Variants in PNPLA8 observed in about 807,000 individuals in gnomAD.
PNPLA8 encodes calcium-independent phospholipase A2-gamma.
In PNPLA8, 39 loss-of-function variants were observed where a neutral mutation model predicts 76.9. The observed-to-expected ratio is 0.51, with a 90% CI of 0.39 to 0.66. PNPLA8 has a LOEUF of 0.66. Among genes scored for constraint, PNPLA8 ranks in the 30% least tolerant of loss-of-function variants. The probability of loss-of-function intolerance (pLI) is 0.00; values close to 1 mark genes in which losing one functional copy is unlikely to be tolerated. For synonymous variants in PNPLA8, 301 were observed against 307.9 expected, an observed-to-expected ratio of 0.98 and a Z score of 0.24; for missense variants, 887 against 918.0, an observed-to-expected ratio of 0.97 and a Z score of 0.44.
intron 5 of PNPLA8, among the ~76,000 whole-genome samples, chr7:108,501,116 T>C (rs565136068): frequency 1.6e-4 from 24 of 152,134 alleles, no homozygotes; most frequent in Non-Finnish European, 3.1e-4. Flanking sequence ...GGTTGGCAAG[T>C]TGGTTATACC....
intron 2 of PNPLA8, among the ~76,000 whole-genome samples, chr7:108,517,449 C>A (rs528414789): frequency 6.6e-6 from 1 of 152,132 alleles, no homozygotes; most frequent in Admixed American, 6.5e-5. Flanking sequence ...AAAATCTGCA[C>A]GAGGATGTTT....
At chr7:108,477,343 T>C (rs758440665) in intron 10 of PNPLA8, among the ~76,000 whole-genome samples, 8 of 152,190 alleles carry the variant, frequency 5.3e-5, no homozygotes, top group Non-Finnish European at 1.0e-4. Context: ...TTTCAGATAG[T>C]GAAAAATCTA....
chr7:108,473,393 C>T (rs574210562), intron 10 of PNPLA8, among the ~76,000 whole-genome samples: 11 of 152,246 alleles, frequency 7.2e-5, no homozygotes, highest in Admixed American at 5.2e-4. Flanking sequence ...CATAAGTCTT[C>T]ATGTGCATAT....
intron 2 of PNPLA8, among the ~76,000 whole-genome samples, chr7:108,516,638 C>T (rs1411053363): frequency 1.3e-5 from 2 of 152,184 alleles, no homozygotes; most frequent in Non-Finnish European, 2.9e-5. Context: ...CGTGGTGGCT[C>T]ACGCCTGTAA....
In PNPLA8 at chr7:108,515,102, C is replaced by A; in HGVS notation, c.390G>T (p.Lys130Asn). The change falls in exon 3 of 11, where the codon AAG becomes AAT. Residue 130 changes from lysine to asparagine, a missense_variant. By Grantham distance (94) the Lys-to-Asn change is moderately conservative (BLOSUM62 0). Coordinates refer to ENST00000257694, the MANE Select transcript of PNPLA8 (RefSeq NM_001256007.3). The stretch of plus-strand genomic sequence containing the variant: ...CTTTTCTTAAAATTTGGGAACTTGG[C>A]TTAAATTGAGCTAAACGTGAAATCA... ...NEMISRLAQFKPSSQILRKVS... is the reference protein window; with the variant it reads ...NEMISRLAQFNPSSQILRKVS... The A allele has an allele frequency of 1.2e-6, 2 of 1,606,754 alleles. No individual in the cohort carries two copies. The highest frequency in any genetic ancestry group is 1.7e-6 in the Non-Finnish European group (2 of 1,178,082).
rs114385012 is a variant in PNPLA8, at chr7:108,492,297, A to G, written c.1626-830T>C. Reference sequence around the variant, plus strand: ...CCTTTATAAGCTTTAATAAATATCAATGTAAAATACTTTCCAAAATGGACA... The same window carrying G: ...CCTTTATAAGCTTTAATAAATATCAGTGTAAAATACTTTCCAAAATGGACA... On this transcript the variant is annotated intron_variant, in intron 7 of 10. Coordinates refer to ENST00000257694, the MANE Select transcript of PNPLA8 (RefSeq NM_001256007.3). 1.2e-3 allele frequency among the ~76,000 whole-genome samples: 182 copies of G among 152,326 alleles called. 1 individual carries two copies. The highest frequency in any genetic ancestry group is 4.2e-3 in the African/African-American group (176 of 41,576).
chr7:108,503,853 G>A (rs1018395687), intron 4 of PNPLA8, among the ~76,000 whole-genome samples: 2 of 152,142 alleles, frequency 1.3e-5, no homozygotes, highest in African/African-American at 2.4e-5. Flanking sequence ...GCATCTAAGG[G>A]GTTTGGAGTG....
intron 10 of PNPLA8, among the ~76,000 whole-genome samples, chr7:108,473,060 G>A (rs1015778810): frequency 1.3e-5 from 2 of 152,132 alleles, no homozygotes; most frequent in African/African-American, 4.8e-5. Context: ...TTTGACAAAT[G>A]TATACACTTG....
At chr7:108,501,565 G>A (rs1024024176) in intron 5 of PNPLA8, among the ~76,000 whole-genome samples, 2 of 152,316 alleles carry the variant, frequency 1.3e-5, no homozygotes, top group Admixed American at 1.3e-4. Context: ...GCTCACGCCT[G>A]TAATCACAGC....
In PNPLA8 at chr7:108,515,423, C is replaced by A. The variant is rs1863265978; in HGVS notation, c.69G>T (p.Lys23Asn). ...AGAAATACAGTTGCTTGCTTCTCTG[C>A]TTCCCACAAACACTTCTTGCATTAC... Reference protein sequence around the residue: ...LLSNARSVCGKQRSKQLYFLF... With the variant: ...LLSNARSVCGNQRSKQLYFLF... Residue 23 changes from lysine (K) to asparagine (N), a missense_variant, in exon 3 of 11, where the codon AAG becomes AAT. Lys to Asn is a moderately conservative substitution (Grantham distance 94). Coordinates refer to ENST00000257694, the MANE Select transcript of PNPLA8 (RefSeq NM_001256007.3). 1.2e-6 allele frequency: 2 copies of A among 1,609,010 alleles called. No homozygotes were observed. Among genetic ancestry groups the A allele is most frequent in the East Asian group, 2.2e-5 (1 of 44,852 alleles).
intron 1 of PNPLA8, among the ~76,000 whole-genome samples, chr7:108,523,513 G>C (rs1598987879): frequency 1.3e-5 from 2 of 151,574 alleles, no homozygotes; most frequent in South Asian, 4.1e-4. Context: ...TGCAACTTTT[G>C]CTGATATCAA....
At chr7:108,524,352 G>C (rs746684415) in intron 1 of PNPLA8, among the ~76,000 whole-genome samples, 4 of 152,128 alleles carry the variant, frequency 2.6e-5, no homozygotes, top group African/African-American at 4.8e-5. Flanking sequence ...GACAGGGGTA[G>C]AGCCTTGAGT....
At chr7:108,515,998 G>C (rs2154516828) in intron 2 of PNPLA8, among the ~76,000 whole-genome samples, 1 of 152,230 alleles carries the variant, frequency 6.6e-6, no homozygotes, top group South Asian at 2.1e-4. Context: ...ACGATTTATA[G>C]AATACTTAAT....
intron 9 of PNPLA8, among the ~76,000 whole-genome samples, chr7:108,481,401 T>G (rs1255332987): frequency 1.3e-5 from 2 of 152,194 alleles, no homozygotes; most frequent in Non-Finnish European, 2.9e-5. Context: ...TTTAACCACT[T>G]TAACAGATAT....
intron 9 of PNPLA8, among the ~76,000 whole-genome samples, chr7:108,481,483 C>T (rs1179542878): frequency 2.6e-5 from 4 of 152,068 alleles, no homozygotes; most frequent in Non-Finnish European, 5.9e-5. Context: ...CTTTTCACAC[C>T]CTCATTTGCC....
chr7:108,493,378 A>C (rs1405529896), intron 7 of PNPLA8, among the ~76,000 whole-genome samples: 1 of 151,960 alleles, frequency 6.6e-6, no homozygotes, highest in Non-Finnish European at 1.5e-5. Flanking sequence ...AAAAGTATTG[A>C]TTGTATGAAT....
intron 4 of PNPLA8, among the ~76,000 whole-genome samples, chr7:108,511,376 C>T (rs1220680154): frequency 6.6e-6 from 1 of 152,116 alleles, no homozygotes; most frequent in African/African-American, 2.4e-5. Context: ...AATGGTTGTT[C>T]AACTAATTGT....
intron 8 of PNPLA8, among the ~76,000 whole-genome samples, chr7:108,488,399 G>A (rs776307605): frequency 5.3e-5 from 8 of 152,144 alleles, no homozygotes; most frequent in Non-Finnish European, 8.8e-5. Flanking sequence ...GCCCAAAATG[G>A]TGAAACCCCA....
chr7:108,526,613 G>A (rs1247400382), upstream of PNPLA8, among the ~76,000 whole-genome samples: 1 of 152,226 alleles, frequency 6.6e-6, no homozygotes, highest in Non-Finnish European at 1.5e-5. Flanking sequence ...CTCTTGGAGG[G>A]TGGTGCCCGG....
Sources: gnomAD v4.1 joint callset for allele counts (sites outside exome capture counted in the v4.1 genomes callset) on GRCh38, gnomAD v4.1.1 for gene constraint, MANE v1.5 for transcripts, NCBI Gene and HGNC (gene_info 2026-07-23, HGNC 2026-07-21) for gene names.